Variants in INTU observed in about 807,000 individuals in gnomAD.
INTU encodes the protein inturned planar cell polarity protein.
In INTU, 68 loss-of-function variants were observed where a neutral mutation model predicts 100.5. The observed-to-expected ratio is 0.68, with a 90% confidence interval of 0.56 to 0.83. The LOEUF (loss-of-function observed/expected upper bound fraction) is 0.83, where lower values mean the gene tolerates loss of function less well. INTU is among the 40% of genes least tolerant of loss of function. INTU has a pLI of 0.00. For synonymous variants in INTU, 357 were observed against 395.7 expected, an observed-to-expected ratio of 0.90 and a Z score of 1.16; for missense variants, 1,071 against 1,114.7, an observed-to-expected ratio of 0.96 and a Z score of 0.56.
intron 1 of INTU, among the ~76,000 whole-genome samples, chr4:127,634,640 A>T (rs938672300): frequency 1.1e-4 from 17 of 152,230 alleles, no homozygotes; most frequent in African/African-American, 4.1e-4. Flanking sequence ...AATGATCATT[A>T]AGCTTTTCAC....
chr4:127,656,427 G>A (rs1728226998), intron 2 of INTU, among the ~76,000 whole-genome samples: 2 of 152,114 alleles, frequency 1.3e-5, no homozygotes, highest in South Asian at 2.1e-4. Flanking sequence ...GTGCAATAAT[G>A]GGCAGTATTA....
chr4:127,692,486 A>G (rs559903388), intron 8 of INTU, among the ~76,000 whole-genome samples: 4 of 152,074 alleles, frequency 2.6e-5, no homozygotes, highest in African/African-American at 2.4e-5. Flanking sequence ...GATTCTGGAT[A>G]TTAGTCCTTT....
rs766614403 is a variant in INTU at position 127,687,866 on chromosome 4, A to G, written c.1448A>G (p.Lys483Arg). 6.4e-7 allele frequency: 1 copy of G among 1,567,584 alleles called. No homozygotes were observed. Among genetic ancestry groups the G allele is most frequent in the East Asian group, 2.3e-5 (1 of 43,764 alleles). ...TGGCTCACACTTCCACTGGAAATCAAGGTAATCTTAGGTATTATAAAGCAG... is the reference window on the plus strand; with the variant it reads ...TGGCTCACACTTCCACTGGAAATCAGGGTAATCTTAGGTATTATAAAGCAG... ...VRWLTLPLEI[K>R]MELDMALSDL... The change falls in exon 8 of 16, where the codon AAG becomes AGG. Residue 483 changes from lysine to arginine, a missense_variant and splice_region_variant. By Grantham distance (26) the Lys-to-Arg change is conservative. Transcript: ENST00000335251.
In INTU at chr4:127,703,779, C is replaced by T. The variant is rs187849691; in HGVS notation, c.1504-449C>T. ...TCATGATTCCACTGCTTGAGTATTCCTGTAGATTTCTAGAAGTAGAATTAC... is the reference window on the plus strand; with the variant it reads ...TCATGATTCCACTGCTTGAGTATTCTTGTAGATTTCTAGAAGTAGAATTAC... On this transcript the variant is annotated intron_variant, in intron 9 of 15. Coordinates refer to ENST00000335251, the MANE Select transcript of INTU (RefSeq NM_015693.4). Among the ~76,000 whole-genome samples, 54 of 152,092 alleles carry T rather than the reference C, an allele frequency of 3.6e-4. 2 individuals carry two copies. The highest frequency in any genetic ancestry group is 2.9e-3 in the Admixed American group (45 of 15,278).
At chr4:127,662,515 G>A (rs547875090) in intron 3 of INTU, among the ~76,000 whole-genome samples, 6 of 152,052 alleles carry the variant, frequency 3.9e-5, no homozygotes, top group South Asian at 2.1e-4. Flanking sequence ...TGAAATGAAC[G>A]AGTTATCTTT....
chr4:127,665,380 C>A (rs1445744546), intron 4 of INTU, among the ~76,000 whole-genome samples: 1 of 151,806 alleles, frequency 6.6e-6, no homozygotes, highest in African/African-American at 2.4e-5. Context: ...CCTCTTACAT[C>A]GGAAACTGTC....
intron 6 of INTU, among the ~76,000 whole-genome samples, chr4:127,677,224 G>A (rs1729253456): frequency 1.3e-5 from 2 of 151,556 alleles, no homozygotes; most frequent in Admixed American, 6.6e-5. Flanking sequence ...AAATGTCCAT[G>A]TCTGACAGCT....
At chr4:127,684,577 A>G in intron 7 of INTU, 91 bp downstream of exon 7, 1 of 710,038 alleles carries the variant, frequency 1.4e-6, no homozygotes, top group Non-Finnish European at 2.3e-6. Flanking sequence ...TTGACAGGTT[A>G]GTTATTTGTC....
intron 2 of INTU, among the ~76,000 whole-genome samples, chr4:127,650,610 C>G (rs1276481397): frequency 6.6e-6 from 1 of 151,802 alleles, no homozygotes; most frequent in Non-Finnish European, 1.5e-5. Context: ...TTTCTTAATC[C>G]AGTCTATCAT....
chr4:127,699,168 CA>C (rs1428468716), intron 8 of INTU: 1 of 151,474 alleles, frequency 6.6e-6, no homozygotes, highest in Non-Finnish European at 1.5e-5. Context: ...GATTCCATCT[CA>C]AAAAAAAGGG....
intron 9 of INTU, among the ~76,000 whole-genome samples, chr4:127,703,958 A>G (rs1730762955): frequency 1.3e-5 from 2 of 152,172 alleles, no homozygotes; most frequent in South Asian, 4.1e-4. Flanking sequence ...GATGTGTTGT[A>G]AGAAATCCCT....
chr4:127,716,430 C>A lies in INTU; in HGVS notation c.2823C>A (p.Thr941=). 6.5e-7 allele frequency: 1 copy of A among 1,531,384 alleles called. No individual in the cohort carries two copies. Among genetic ancestry groups the A allele is most frequent in the Non-Finnish European group, 8.9e-7 (1 of 1,123,826 alleles). 94.9% of individuals were successfully genotyped at this position (1,531,384 alleles called of 1,614,324 possible). ...CTTTTAAATTGTTCTTTGGGTTAAC[C>A]TTGTAGCTGTGCTTTCTTGATGCGT... is the stretch of plus-strand genomic sequence containing the variant. ...EIAFKLFFGL[T]L is the part of the protein sequence containing the mutation. Residue 941 remains threonine, a synonymous_variant, in exon 16 of 16, where the codon ACC becomes ACA. Transcript: ENST00000335251.
chr4:127,675,961 T>G, intron 6 of INTU: 1 of 288,096 alleles, frequency 3.5e-6, no homozygotes, highest in Non-Finnish European at 7.6e-6. Flanking sequence ...GCCTCACTTC[T>G]TGAGGGGAAG....
At chr4:127,704,397 G>A in intron 10 of INTU, 107 bp downstream of exon 10, 1 of 853,996 alleles carries the variant, frequency 1.2e-6, no homozygotes, top group Non-Finnish European at 1.9e-6. Flanking sequence ...TCTTTCAAAT[G>A]TAGGTACCAT....
chr4:127,659,613 A>G (rs142841372), intron 3 of INTU, among the ~76,000 whole-genome samples: 116 of 152,298 alleles, frequency 7.6e-4, no homozygotes, highest in Non-Finnish European at 1.3e-3. Flanking sequence ...GCTCTCATTC[A>G]TTTAACAGGT....
intron 2 of INTU, 105 bp from the exon 3 acceptor site, chr4:127,656,531 A>C: frequency 1.3e-6 from 1 of 743,800 alleles, no homozygotes; most frequent in South Asian, 1.8e-5. Flanking sequence ...CAGATTTCTC[A>C]CTGTACTTTG....
At chr4:127,709,367 A>G (rs1369875120) in intron 13 of INTU, among the ~76,000 whole-genome samples, 2 of 152,038 alleles carry the variant, frequency 1.3e-5, no homozygotes, top group Non-Finnish European at 2.9e-5. Context: ...AGTACTTCCT[A>G]ATAAGTTTCC....
rs915204185 is a variant in INTU at position 127,719,553 on chromosome 4, A to G, written c.*3117A>G. The G allele has an allele frequency of 6.6e-6, 1 of 152,180 alleles. No individual in the cohort carries two copies. Among genetic ancestry groups the G allele is most frequent in the African/African-American group, 2.4e-5 (1 of 41,446 alleles). 9.4% of individuals were successfully genotyped at this position (152,180 alleles called of 1,614,324 possible). On this transcript the variant is annotated 3_prime_UTR_variant, in exon 16 of 16. Coordinates refer to ENST00000335251, the MANE Select transcript of INTU (RefSeq NM_015693.4). ...ATTTGTTTGGAATAGTTTCAGAAGA[A>G]GTGGTATCAGCTTCTTTTTGTATTT...
chr4:127,682,532 G>T (rs1028881105), intron 6 of INTU, among the ~76,000 whole-genome samples: 4 of 147,018 alleles, frequency 2.7e-5, no homozygotes, highest in African/African-American at 1.0e-4. Context: ...ACTCATAGGT[G>T]GGAATTGAAC....
Sources: gnomAD v4.1 joint callset for allele counts (sites outside exome capture counted in the v4.1 genomes callset) on GRCh38, gnomAD v4.1.1 for gene constraint, MANE v1.5 for transcripts, NCBI Gene and HGNC (gene_info 2026-07-23, HGNC 2026-07-21) for gene names.